IL15: variants seen among roughly 807,000 people sequenced by gnomAD.
IL15 encodes interleukin 15.
Under a neutral mutation model 19.6 loss-of-function variants are expected in IL15, and 11 were observed. The ratio of observed to expected loss-of-function variants is 0.56; its 90% CI spans 0.35 to 0.93. The LOEUF (loss-of-function observed/expected upper bound fraction) is 0.93. Among genes scored for constraint, IL15 ranks in the 40% least tolerant of loss-of-function variants. The pLI, the probability that IL15 is intolerant of heterozygous loss-of-function variation, is 0.01. For missense variants in IL15, 197 were observed against 186.5 expected (o/e 1.06, Z -0.33); for synonymous variants, 58 against 59.6 (o/e 0.97, Z 0.12).
At chr4:141,664,211 T>A (rs1041859767) in intron 2 of IL15, among the ~76,000 whole-genome samples, 11 of 152,048 alleles carry the variant, frequency 7.2e-5, no homozygotes, top group African/African-American at 2.7e-4. Context: ...AACCTTTATG[T>A]TTCTGTGACT....
At chr4:141,732,660 T>C (rs41308487) in intron 7 of IL15, 78 bp from the exon 8 acceptor site, 26,813 of 1,558,240 alleles carry the variant, frequency 0.017, 284 homozygotes, top group Non-Finnish European at 0.02. Context: ...GTTCAAACGA[T>C]ATGATATTCC....
chr4:141,665,467 A>T lies in IL15; in HGVS notation c.-100+9160A>T, dbSNP rs114429422. 2.1e-3 allele frequency among the ~76,000 whole-genome samples: 321 copies of T among 152,214 alleles called. 3 individuals are homozygous for T. The highest frequency in any genetic ancestry group is 7.5e-3 in the African/African-American group (312 of 41,564). On this transcript the variant is annotated intron_variant, in intron 2 of 7. Transcript: ENST00000320650. ...CCTCTTTATTCCTTTTCTATTTAAA[A>T]ATTATTTTCACCAGTAGATGTTTTT...
intron 2 of IL15, among the ~76,000 whole-genome samples, chr4:141,674,065 A>C (rs1728262941): frequency 6.6e-6 from 1 of 152,202 alleles, no homozygotes; most frequent in South Asian, 2.1e-4. Context: ...TCTTCAGTTG[A>C]TCTTTACTGA....
intron 2 of IL15, among the ~76,000 whole-genome samples, chr4:141,667,028 T>C (rs1728010800): frequency 6.6e-6 from 1 of 152,308 alleles, no homozygotes; most frequent in East Asian, 1.9e-4. Flanking sequence ...ACAGCTGAAC[T>C]TGTGGAAGCT....
At chr4:141,697,465 T>C (rs1056139881) in intron 2 of IL15, among the ~76,000 whole-genome samples, 2 of 152,148 alleles carry the variant, frequency 1.3e-5, no homozygotes, top group South Asian at 4.1e-4. Context: ...ATTTGTTCTT[T>C]TTGCTTAGTC....
intron 2 of IL15, among the ~76,000 whole-genome samples, chr4:141,711,492 A>G (rs918100670): frequency 6.6e-6 from 1 of 152,130 alleles, no homozygotes; most frequent in Non-Finnish European, 1.5e-5. Flanking sequence ...AATATAAACA[A>G]ATTAAAAATC....
intron 2 of IL15, chr4:141,715,807 G>T (rs1289767484): frequency 6.6e-6 from 1 of 152,136 alleles, no homozygotes; most frequent in African/African-American, 2.4e-5. Context: ...TTAAATGTGT[G>T]ATTAGACAAG....
chr4:141,706,529 A>G (rs1729521778), intron 2 of IL15, among the ~76,000 whole-genome samples: 1 of 152,030 alleles, frequency 6.6e-6, no homozygotes, highest in Admixed American at 6.6e-5. Context: ...ATATTTTCAC[A>G]CGTTTTTATT....
rs1341560059 is a variant in IL15, at chr4:141,638,939, T to A, written c.-222+2191T>A. Among the ~76,000 whole-genome samples, 6 of 152,140 alleles carry A rather than the reference T, an allele frequency of 3.9e-5. No homozygotes were observed. In the East Asian group the frequency reaches 1.2e-3, roughly 29 times the overall value. ...ATCTCTCCTGGAGTTTAATGTTGAG[T>A]TCTGCTCATTGTGTTAACTATTTTT... is the stretch of plus-strand genomic sequence containing the variant. On this transcript the variant is annotated intron_variant, in intron 1 of 7. Coordinates refer to ENST00000320650, the MANE Select transcript of IL15 (RefSeq NM_000585.5).
At chr4:141,698,316 T>A (rs892272496) in intron 2 of IL15, among the ~76,000 whole-genome samples, 4 of 152,112 alleles carry the variant, frequency 2.6e-5, no homozygotes, top group African/African-American at 9.7e-5. Flanking sequence ...GTTTTGTTCT[T>A]TCTGGGTTTT....
At chr4:141,652,942 G>A (rs185509627) in intron 1 of IL15, among the ~76,000 whole-genome samples, 5 of 152,230 alleles carry the variant, frequency 3.3e-5, no homozygotes, top group East Asian at 3.9e-4. Context: ...CACCGAATAC[G>A]TTATTATCAG....
intron 2 of IL15, among the ~76,000 whole-genome samples, chr4:141,702,136 T>A (rs1161317730): frequency 6.6e-6 from 1 of 152,208 alleles, no homozygotes; most frequent in African/African-American, 2.4e-5. Context: ...GCTGACTTTC[T>A]CTATTGTGCC....
At chr4:141,706,229 T>C (rs954685660) in intron 2 of IL15, among the ~76,000 whole-genome samples, 2 of 152,084 alleles carry the variant, frequency 1.3e-5, no homozygotes, top group African/African-American at 4.8e-5. Context: ...TTTGTATATG[T>C]GTTATATCTT....
At chr4:141,729,705 G>T in intron 6 of IL15, 142 bp from the exon 7 acceptor site, 1 of 535,136 alleles carries the variant, frequency 1.9e-6, no homozygotes, top group Non-Finnish European at 3.3e-6. Flanking sequence ...AAAAAATTAA[G>T]CTGCCTCCTA....
rs1727780469 is a variant in IL15, at chr4:141,661,354, T to C, written c.-100+5047T>C. ...CATTCCTGGGAGAATAGGAGAAAGATGTTTTTGTTCCCATAAGAGGCAGAT... is the reference window on the plus strand; with the variant it reads ...CATTCCTGGGAGAATAGGAGAAAGACGTTTTTGTTCCCATAAGAGGCAGAT... On this transcript the variant is annotated intron_variant, in intron 2 of 7. Coordinates refer to ENST00000320650, the MANE Select transcript of IL15 (RefSeq NM_000585.5). 2.6e-5 allele frequency among the ~76,000 whole-genome samples: 4 copies of C among 152,138 alleles called. No homozygotes were observed. In the South Asian group the frequency reaches 8.3e-4, roughly 32 times the overall value.
chr4:141,651,271 T>A (rs919463265), intron 1 of IL15, among the ~76,000 whole-genome samples: 6 of 151,984 alleles, frequency 3.9e-5, no homozygotes, highest in African/African-American at 4.8e-5. Flanking sequence ...TAAAATCACG[T>A]CTTTTGCAGC....
At chr4:141,720,854 C>T (rs1730051116) in intron 4 of IL15, 2 of 534,568 alleles carry the variant, frequency 3.7e-6, no homozygotes, top group East Asian at 3.2e-5. Context: ...TGATAGACTA[C>T]ATATTTTTCA....
intron 2 of IL15, among the ~76,000 whole-genome samples, chr4:141,674,353 A>G (rs1728270921): frequency 6.6e-6 from 1 of 152,198 alleles, no homozygotes; most frequent in Non-Finnish European, 1.5e-5. Context: ...AAGTCTGTTC[A>G]AAGTACAGGG....
intron 2 of IL15, among the ~76,000 whole-genome samples, chr4:141,682,714 G>A (rs772816156): frequency 1.3e-5 from 2 of 151,970 alleles, no homozygotes; most frequent in Admixed American, 6.6e-5. Context: ...AAAACAATAG[G>A]GGGAGGCCGA....
Sources: gnomAD v4.1 joint callset for allele counts (sites outside exome capture counted in the v4.1 genomes callset) on GRCh38, gnomAD v4.1.1 for gene constraint, MANE v1.5 for transcripts, NCBI Gene and HGNC (gene_info 2026-07-23, HGNC 2026-07-21) for gene names.